Variants in TASP1 observed in about 807,000 individuals in gnomAD.
TASP1 encodes taspase 1.
A neutral mutation model predicts 56.6 loss-of-function variants in TASP1; 16 were observed. The ratio of observed to expected loss-of-function variants is 0.28; its 90% CI spans 0.19 to 0.43. The LOEUF (loss-of-function observed/expected upper bound fraction) is 0.43. Among genes scored for constraint, TASP1 ranks in the 20% least tolerant of loss-of-function variants. The probability of loss-of-function intolerance (pLI) is 1.00; values close to 1 mark genes in which losing one functional copy is unlikely to be tolerated. For missense variants in TASP1, 393 were observed against 511.6 expected, an observed-to-expected ratio of 0.77 and a Z score of 2.24; for synonymous variants, 179 against 184.2, an observed-to-expected ratio of 0.97 and a Z score of 0.23.
chr20:13,458,999 T>C (rs2043951607), intron 11 of TASP1, among the ~76,000 whole-genome samples: 1 of 152,156 alleles, frequency 6.6e-6, no homozygotes, highest in East Asian at 1.9e-4. Context: ...TAAAACCAGA[T>C]TGGGATTTCA....
the TASP1 span, among the ~76,000 whole-genome samples, chr20:13,180,081 G>A: frequency 6.6e-6 from 1 of 152,072 alleles, no homozygotes; most frequent in Non-Finnish European, 1.5e-5. Flanking sequence ...GATTCTAGGG[G>A]TCAACAGTCA....
At chr20:13,360,164 T>A in the TASP1 span, among the ~76,000 whole-genome samples, 11 of 152,016 alleles carry the variant, frequency 7.2e-5, no homozygotes, top group Non-Finnish European at 1.2e-4. Context: ...CCTCAATACC[T>A]GCCTCTACAA....
the TASP1 span, among the ~76,000 whole-genome samples, chr20:13,265,933 C>T: frequency 6.6e-5 from 10 of 152,190 alleles, no homozygotes; most frequent in Non-Finnish European, 1.0e-4. Context: ...CAGTCAGCCA[C>T]GCTTAGACTA....
At chr20:13,276,182 C>G in the TASP1 span, among the ~76,000 whole-genome samples, 1 of 152,184 alleles carries the variant, frequency 6.6e-6, no homozygotes, top group Non-Finnish European at 1.5e-5. Flanking sequence ...CTTTTCCTCT[C>G]TGGAAAATAC....
chr20:13,576,342 G>A (rs7351758), intron 6 of TASP1, among the ~76,000 whole-genome samples: 42 of 131,740 alleles, frequency 3.2e-4, no homozygotes, highest in East Asian at 9.0e-4. Context: ...AGAAAGAAAG[G>A]AAGAAAGAAA....
chr20:13,360,462 A>G, the TASP1 span, among the ~76,000 whole-genome samples: 162 of 150,376 alleles, frequency 1.1e-3, 1 homozygote, highest in Non-Finnish European at 1.3e-3. Flanking sequence ...CCTTCTACAA[A>G]ACAACAACTC....
At chr20:13,278,589 T>G in the TASP1 span, among the ~76,000 whole-genome samples, 1 of 152,232 alleles carries the variant, frequency 6.6e-6, no homozygotes, top group Admixed American at 6.5e-5. Flanking sequence ...TGCCACTTAC[T>G]AGCCCTGTGA....
chr20:13,169,323 T>C, the TASP1 span, among the ~76,000 whole-genome samples: 4,529 of 152,172 alleles, frequency 0.03, 202 homozygotes, highest in African/African-American at 0.1. Context: ...ACCATGGAAA[T>C]TGGCAGACAC....
chr20:13,585,580 T>C (rs2147244684), intron 5 of TASP1, among the ~76,000 whole-genome samples: 1 of 150,412 alleles, frequency 6.6e-6, no homozygotes. Flanking sequence ...AAAAAGCATA[T>C]GAAAAGGCTC....
At chr20:13,215,126 G>A in the TASP1 span, among the ~76,000 whole-genome samples, 9 of 152,110 alleles carry the variant, frequency 5.9e-5, no homozygotes, top group African/African-American at 1.9e-4. Context: ...AGTTTACTTT[G>A]AGAAATACAA....
the TASP1 span, among the ~76,000 whole-genome samples, chr20:13,159,020 G>A: frequency 6.6e-6 from 1 of 152,334 alleles, no homozygotes; most frequent in African/African-American, 2.4e-5. Flanking sequence ...CAGTAGTTAA[G>A]TTTTCCTGCA....
the TASP1 span, among the ~76,000 whole-genome samples, chr20:13,198,185 G>A: frequency 2.0e-5 from 3 of 151,840 alleles, no homozygotes; most frequent in Non-Finnish European, 4.4e-5. Flanking sequence ...TCTTAATTTA[G>A]GCTATAATCA....
chr20:13,187,844 A>G, the TASP1 span, among the ~76,000 whole-genome samples: 2 of 152,094 alleles, frequency 1.3e-5, no homozygotes, highest in South Asian at 2.1e-4. Context: ...ACTTCTCATC[A>G]GAACCATAAA....
chr20:13,522,409 G>A (rs781411474), intron 10 of TASP1, among the ~76,000 whole-genome samples: 1 of 152,140 alleles, frequency 6.6e-6, no homozygotes, highest in Non-Finnish European at 1.5e-5. Flanking sequence ...AACGTGCTGA[G>A]AAGTGGTCAG....
the TASP1 span, among the ~76,000 whole-genome samples, chr20:13,249,425 C>T: frequency 6.6e-6 from 1 of 152,208 alleles, no homozygotes; most frequent in Non-Finnish European, 1.5e-5. Context: ...CCCAGGTGGA[C>T]AGACATGGCA....
At chr20:13,487,748 AC>A (rs1338967330) in intron 10 of TASP1, among the ~76,000 whole-genome samples, 13 of 152,178 alleles carry the variant, frequency 8.5e-5, no homozygotes, top group Non-Finnish European at 1.3e-4. Context: ...ATAGCAAAAA[AC>A]AAAAAAATTA....
At chr20:13,132,073 G>A in the TASP1 span, among the ~76,000 whole-genome samples, 6 of 151,794 alleles carry the variant, frequency 4.0e-5, no homozygotes, top group East Asian at 1.2e-3. Flanking sequence ...CTCCCTCCCT[G>A]CCATCCCCTT....
chr20:13,294,301 C>T, the TASP1 span, among the ~76,000 whole-genome samples: 1 of 152,206 alleles, frequency 6.6e-6, no homozygotes, highest in African/African-American at 2.4e-5. Context: ...TCTACCTCAT[C>T]CCTCCAATCC....
At chr20:13,272,957 A>T in the TASP1 span, among the ~76,000 whole-genome samples, 8 of 152,234 alleles carry the variant, frequency 5.3e-5, no homozygotes, top group African/African-American at 1.9e-4. Flanking sequence ...TGGGAATGTC[A>T]CTTGGGGCAT....
Sources: allele counts gnomAD v4.1 joint callset (sites outside exome capture counted in the v4.1 genomes callset), GRCh38; gene constraint gnomAD v4.1.1; transcripts MANE v1.5; gene names NCBI Gene and HGNC (gene_info 2026-07-23, HGNC 2026-07-21).